Variants in OSBPL9 observed in about 807,000 individuals in gnomAD.
The protein encoded by OSBPL9 is oxysterol-binding protein-related protein 9.
Under a neutral mutation model 106.6 loss-of-function variants are expected in OSBPL9, and 40 were observed. The observed-to-expected ratio is 0.38, with a 90% confidence interval of 0.29 to 0.49. OSBPL9 has a LOEUF of 0.49. OSBPL9 is among the 20% of genes least tolerant of loss of function. OSBPL9 has a pLI of 0.97. For missense variants in OSBPL9, 609 were observed against 887.2 expected (o/e 0.69, Z 3.98); for synonymous variants, 269 against 295.4 (o/e 0.91, Z 0.92).
chr1:51,570,812 C>T, the OSBPL9 span, among the ~76,000 whole-genome samples: 2 of 152,034 alleles, frequency 1.3e-5, no homozygotes, highest in South Asian at 2.1e-4. Context: ...TATCATTATT[C>T]GTACTTGGTG....
At chr1:51,595,505 G>C (rs1438039998) in intron 1 of OSBPL9, among the ~76,000 whole-genome samples, 1 of 152,156 alleles carries the variant, frequency 6.6e-6, no homozygotes, top group African/African-American at 2.4e-5. Flanking sequence ...GGGTCTCAGG[G>C]AAGGCTTCCT....
In OSBPL9 at chr1:51,591,762, A is replaced by T. The variant is rs927490504; in HGVS notation, c.-422-6362A>T. Among the ~76,000 whole-genome samples the T allele has an allele frequency of 2.6e-5, 4 of 151,744 alleles. No homozygotes were observed. In the East Asian group the frequency reaches 7.7e-4, roughly 29 times the overall value. On this transcript the variant is annotated intron_variant, in intron 1 of 25. Transcript: ENST00000371714. The stretch of plus-strand genomic sequence containing the variant: ...AGCTGAGATCATGCCACTGCACTCC[A>T]GCCTGGGCAACAGAGCAAGACTGAA...
chr1:51,550,185 C>A, the OSBPL9 span, among the ~76,000 whole-genome samples: 351 of 152,248 alleles, frequency 2.3e-3, no homozygotes, highest in Middle Eastern at 0.01. Flanking sequence ...ATTAGATGAG[C>A]ACATTGTAGA....
intron 12 of OSBPL9, among the ~76,000 whole-genome samples, chr1:51,771,741 C>A (rs1673946869): frequency 6.6e-6 from 1 of 152,150 alleles, no homozygotes; most frequent in Non-Finnish European, 1.5e-5. Context: ...AGACATGTTT[C>A]TGAGACTTGC....
intron 3 of OSBPL9, among the ~76,000 whole-genome samples, chr1:51,706,384 G>A (rs1658540424): frequency 6.6e-6 from 1 of 151,940 alleles, no homozygotes; most frequent in Admixed American, 6.6e-5. Context: ...TTATAGTCAG[G>A]GAGTTATGAG....
Position 51,678,175 on chromosome 1 carries a change from C to G in OSBPL9, c.241+8663C>G, listed in dbSNP as rs553086127. Among the ~76,000 whole-genome samples the G allele has an allele frequency of 1.4e-4, 21 of 150,846 alleles. No individual in the cohort carries two copies. The South Asian group carries it at 4.2e-3, about 30-fold the overall frequency. On this transcript the variant is annotated intron_variant, in intron 3 of 23. Transcript: ENST00000428468. ...TTCAGCCTGGGTGACACAGTGAGAC[C>G]CTGCCTCAAAAAAATAAAAATACGT...
intron 3 of OSBPL9, among the ~76,000 whole-genome samples, chr1:51,693,553 G>A (rs921183306): frequency 2.6e-5 from 4 of 152,174 alleles, no homozygotes; most frequent in African/African-American, 9.7e-5. Context: ...AAGGCACACA[G>A]ATCTTTCTAA....
chr1:51,633,311 C>G (rs1645221210), intron 1 of OSBPL9, among the ~76,000 whole-genome samples: 1 of 151,338 alleles, frequency 6.6e-6, no homozygotes, highest in Non-Finnish European at 1.5e-5. Context: ...TAGCTAACAC[C>G]TGTAAACCTA....
chr1:51,519,095 G>T, the OSBPL9 span: 1 of 770,024 alleles, frequency 1.3e-6, no homozygotes, highest in Non-Finnish European at 1.9e-6. Context: ...CACAAGCCAA[G>T]AAGCTGCCTG....
intron 20 of OSBPL9, 197 bp downstream of exon 20, chr1:51,784,779 G>A (rs1034822101): frequency 4.7e-6 from 3 of 640,666 alleles, no homozygotes; most frequent in East Asian, 5.9e-5. Context: ...AGCAGTCAGA[G>A]GTCATTGATA....
chr1:51,715,980 AT>A (rs1209915765), intron 4 of OSBPL9, among the ~76,000 whole-genome samples: 1 of 152,022 alleles, frequency 6.6e-6, no homozygotes, highest in Admixed American at 6.6e-5. Context: ...TCCTTATCAT[AT>A]TCTTCTTGTT....
At chr1:51,588,304 C>T (rs185188656) in intron 1 of OSBPL9, among the ~76,000 whole-genome samples, 17 of 152,304 alleles carry the variant, frequency 1.1e-4, no homozygotes, top group Admixed American at 1.1e-3. Flanking sequence ...ATTGCTTGAA[C>T]CTCGGAGGCT....
At chr1:51,526,103 T>C in the OSBPL9 span, among the ~76,000 whole-genome samples, 56 of 152,172 alleles carry the variant, frequency 3.7e-4, no homozygotes, top group Non-Finnish European at 2.9e-5. Context: ...TCTTAAACTC[T>C]TGGGCTTAAG....
intron 4 of OSBPL9, chr1:51,724,814 A>G (rs1414715635): frequency 4.0e-6 from 1 of 250,348 alleles, no homozygotes; most frequent in Non-Finnish European, 7.9e-6. Context: ...GAGCTTTACA[A>G]TCTCTTCTCT....
At chr1:51,774,317 T>C (rs1055306984) in intron 14 of OSBPL9, among the ~76,000 whole-genome samples, 4 of 152,228 alleles carry the variant, frequency 2.6e-5, no homozygotes, top group African/African-American at 4.8e-5. Flanking sequence ...AAGCTTGTTA[T>C]ATTATAAATG....
intron 3 of OSBPL9, among the ~76,000 whole-genome samples, chr1:51,711,336 C>T (rs1443978771): frequency 6.8e-6 from 1 of 146,656 alleles, no homozygotes; most frequent in Non-Finnish European, 1.5e-5. Flanking sequence ...GGGCAGGGGG[C>T]TGACCCCCCC....
intron 2 of OSBPL9, among the ~76,000 whole-genome samples, chr1:51,598,453 G>A (rs922597586): frequency 6.6e-6 from 1 of 152,232 alleles, no homozygotes; most frequent in East Asian, 1.9e-4. Flanking sequence ...TGTGTGTGGT[G>A]GTAGTGGGGT....
chr1:51,608,608 T>A (rs898415041), intron 2 of OSBPL9, among the ~76,000 whole-genome samples: 7 of 151,264 alleles, frequency 4.6e-5, no homozygotes, highest in African/African-American at 1.7e-4. Flanking sequence ...TGGCCTTCAA[T>A]GATTATTTTA....
intron 3 of OSBPL9, among the ~76,000 whole-genome samples, chr1:51,701,954 A>G (rs1439278827): frequency 6.6e-6 from 1 of 152,136 alleles, no homozygotes; most frequent in East Asian, 1.9e-4. Context: ...AGCTTGATCC[A>G]TGTCCCTACA....
Sources: gnomAD v4.1 joint callset for allele counts (sites outside exome capture counted in the v4.1 genomes callset) on GRCh38, gnomAD v4.1.1 for gene constraint, MANE v1.5 for transcripts, NCBI Gene and HGNC (gene_info 2026-07-23, HGNC 2026-07-21) for gene names.